WDR4: variants seen among roughly 807,000 people sequenced by gnomAD.
WDR4 encodes the protein tRNA (guanine-N(7)-)-methyltransferase non-catalytic subunit WDR4.
In WDR4, 47 loss-of-function variants were observed where a neutral mutation model predicts 48.6. The observed-to-expected ratio is 0.97, with a 90% confidence interval of 0.77 to 1.23. The LOEUF (loss-of-function observed/expected upper bound fraction) is 1.23. Ranked by LOEUF, WDR4 falls within the 50% of genes most tolerant of loss-of-function variation. The probability of loss-of-function intolerance (pLI) is 0.00; values close to 1 mark genes in which losing one functional copy is unlikely to be tolerated. For synonymous variants in WDR4, 268 were observed against 230.0 expected (o/e 1.17, Z -1.49); for missense variants, 606 against 551.6 (o/e 1.10, Z -0.99).
At chr21:42,876,165 A>G (rs1443299789) in intron 2 of WDR4, among the ~76,000 whole-genome samples, 1 of 149,614 alleles carries the variant, frequency 6.7e-6, no homozygotes, top group Non-Finnish European at 1.5e-5. Context: ...CTGGCTTCCC[A>G]AAGTGCTGAG....
At chr21:42,891,925 C>A in the WDR4 span, among the ~76,000 whole-genome samples, 1 of 151,144 alleles carries the variant, frequency 6.6e-6, no homozygotes, top group Non-Finnish European at 1.5e-5. Flanking sequence ...CCACTGTACT[C>A]CAGCCTGGGC....
chr21:42,853,886 C>T, intron 8 of WDR4, 134 bp from the exon 9 acceptor site: 3 of 994,932 alleles, frequency 3.0e-6, no homozygotes, highest in Non-Finnish European at 2.9e-6. Flanking sequence ...CCCAGCTGCG[C>T]CACTCCCAAA....
upstream of WDR4, among the ~76,000 whole-genome samples, chr21:42,884,305 G>T (rs2058624111): frequency 6.6e-6 from 1 of 152,168 alleles, no homozygotes. Flanking sequence ...AACTGGCCAG[G>T]TGTGGTGGAT....
At chr21:42,866,377 G>C (rs982828766) in intron 3 of WDR4, among the ~76,000 whole-genome samples, 5 of 152,344 alleles carry the variant, frequency 3.3e-5, no homozygotes, top group East Asian at 1.9e-4. Flanking sequence ...CCATGGGACA[G>C]AGCCTAGGGT....
At chr21:42,872,892 G>A (rs1363576375) in intron 3 of WDR4, among the ~76,000 whole-genome samples, 5 of 151,496 alleles carry the variant, frequency 3.3e-5, no homozygotes, top group South Asian at 4.2e-4. Flanking sequence ...AGCAAAGATC[G>A]CGCCATTGCA....
intron 2 of WDR4, among the ~76,000 whole-genome samples, chr21:42,875,146 G>C (rs922445139): frequency 1.3e-5 from 2 of 152,150 alleles, no homozygotes; most frequent in African/African-American, 4.8e-5. Flanking sequence ...CCCAATATCT[G>C]GCTGAATTTC....
At chr21:42,888,757 G>C in the WDR4 span, among the ~76,000 whole-genome samples, 14 of 149,812 alleles carry the variant, frequency 9.3e-5, no homozygotes, top group Non-Finnish European at 1.9e-4. Flanking sequence ...ATGGAGTGCA[G>C]TAGAGTGATC....
At chr21:42,891,150 C>T in the WDR4 span, among the ~76,000 whole-genome samples, 10 of 152,226 alleles carry the variant, frequency 6.6e-5, no homozygotes, top group East Asian at 1.5e-3. Context: ...TGGTGAAACA[C>T]TATCTCTACT....
At chr21:42,859,605 C>G in intron 6 of WDR4, 57 bp downstream of exon 6, 1 of 1,071,986 alleles carries the variant, frequency 9.3e-7, no homozygotes, top group South Asian at 1.4e-5. Context: ...GCGCCCACCC[C>G]ACCCTCCCTG....
At chr21:42,863,917 T>A (rs1317693900) in intron 3 of WDR4, among the ~76,000 whole-genome samples, 15 of 84,122 alleles carry the variant, frequency 1.8e-4, no homozygotes, top group Non-Finnish European at 2.9e-4. Flanking sequence ...CCATTCTGGC[T>A]AACACGGTGA....
At chr21:42,843,511 A>G (rs1292574387) in intron 11 of WDR4, among the ~76,000 whole-genome samples, 2 of 149,384 alleles carry the variant, frequency 1.3e-5, no homozygotes, top group Admixed American at 1.4e-4. Context: ...CCCAGGCTCA[A>G]GTGATCCTCC....
chr21:42,846,716 A>G (rs2057714015), downstream of WDR4, among the ~76,000 whole-genome samples: 1 of 152,092 alleles, frequency 6.6e-6, no homozygotes, highest in Non-Finnish European at 1.5e-5. Flanking sequence ...GTCTGGAAGA[A>G]AGTGCTTAGA....
intron 3 of WDR4, among the ~76,000 whole-genome samples, chr21:42,865,292 A>C (rs1288709934): frequency 1.3e-5 from 2 of 152,206 alleles, no homozygotes; most frequent in Non-Finnish European, 2.9e-5. Context: ...CAATTTAAAC[A>C]AACAGCCCTG....
At chr21:42,864,062 C>G (rs7281119) in intron 3 of WDR4, among the ~76,000 whole-genome samples, 9,971 of 56,956 alleles carry the variant, frequency 0.18, 2,031 homozygotes, top group Middle Eastern at 0.22. Flanking sequence ...AGCCGAGATC[C>G]CGCCACCGCA....
chr21:42,857,726 A>G (rs1340433197), intron 6 of WDR4, among the ~76,000 whole-genome samples: 1 of 152,240 alleles, frequency 6.6e-6, no homozygotes, highest in Non-Finnish European at 1.5e-5. Context: ...GCTGGAAAGT[A>G]AAGTTGAGGC....
chr21:42,845,513 C>T (rs533753705), downstream of WDR4, among the ~76,000 whole-genome samples: 1 of 152,278 alleles, frequency 6.6e-6, no homozygotes, highest in South Asian at 2.1e-4. Context: ...GGCACATTTC[C>T]CCCAGGGTAA....
At chr21:42,857,351 G>A (rs892894016) in intron 6 of WDR4, among the ~76,000 whole-genome samples, 1 of 151,828 alleles carries the variant, frequency 6.6e-6, no homozygotes, top group African/African-American at 2.4e-5. Context: ...CACGTTCTAC[G>A]GAGTCCACAG....
At chr21:42,879,026 G>T (rs2058566690) in intron 1 of WDR4, 2 of 1,043,482 alleles carry the variant, frequency 1.9e-6, no homozygotes, top group East Asian at 7.7e-5. Context: ...TCCCAGTTCT[G>T]CAGAGCGTGT....
chr21:42,881,523 A>G (rs1378203975), upstream of WDR4, among the ~76,000 whole-genome samples: 7 of 152,222 alleles, frequency 4.6e-5, no homozygotes, highest in African/African-American at 1.4e-4. Flanking sequence ...CCCAGAGTTC[A>G]GTAGTTGCCT....
Sources: gnomAD v4.1 joint callset for allele counts (sites outside exome capture counted in the v4.1 genomes callset) on GRCh38, gnomAD v4.1.1 for gene constraint, MANE v1.5 for transcripts, NCBI Gene and HGNC (gene_info 2026-07-23, HGNC 2026-07-21) for gene names.